Variants in CNTN5 observed in about 807,000 individuals in gnomAD.
CNTN5 encodes contactin 5, also known as contactin-5.
CNTN5 carries 77 observed loss-of-function variants against 129.1 expected under a neutral mutation model. The observed-to-expected ratio is 0.60, with a 90% CI of 0.50 to 0.72. The LOEUF (loss-of-function observed/expected upper bound fraction) is 0.72, where lower values mean the gene tolerates loss of function less well. Among genes scored for constraint, CNTN5 ranks in the 30% least tolerant of loss-of-function variants. CNTN5 has a pLI of 0.00. For missense variants in CNTN5, 1,478 were observed against 1,328.8 expected (o/e 1.11, Z -1.75); for synonymous variants, 509 against 465.6 (o/e 1.09, Z -1.20).
At chr11:100,169,122 A>T (rs1947746370) in intron 13 of CNTN5, among the ~76,000 whole-genome samples, 1 of 151,964 alleles carries the variant, frequency 6.6e-6, no homozygotes, top group African/African-American at 2.4e-5. Context: ...TTGAGATGGA[A>T]TCTATTCCTG....
intron 3 of CNTN5, among the ~76,000 whole-genome samples, chr11:99,781,767 A>C (rs1393231818): frequency 6.6e-6 from 1 of 152,116 alleles, no homozygotes; most frequent in East Asian, 1.9e-4. Flanking sequence ...CCTTTGACAA[A>C]ATTCAACAAC....
At chr11:100,309,604 T>G in intron 21 of CNTN5, 1 of 984,132 alleles carries the variant, frequency 1.0e-6, no homozygotes, top group Non-Finnish European at 1.2e-6. Flanking sequence ...TCCCAATCCA[T>G]GCTTCAGGGA....
chr11:99,106,201 T>G (rs1025846173), intron 1 of CNTN5, among the ~76,000 whole-genome samples: 13 of 152,044 alleles, frequency 8.6e-5, no homozygotes, highest in Non-Finnish European at 1.3e-4. Flanking sequence ...ATGTCACACT[T>G]AAAATTGATC....
At chr11:99,095,944 T>G (rs1416897860) in intron 1 of CNTN5, among the ~76,000 whole-genome samples, 1 of 151,930 alleles carries the variant, frequency 6.6e-6, no homozygotes, top group Non-Finnish European at 1.5e-5. Context: ...ATCTATTCTG[T>G]TTAAGTGCAT....
chr11:99,548,973 A>T (rs1948390227), intron 2 of CNTN5, among the ~76,000 whole-genome samples: 3 of 152,162 alleles, frequency 2.0e-5, no homozygotes, highest in Admixed American at 1.3e-4. Flanking sequence ...GATTAGACAT[A>T]TTAAGACCTT....
intron 21 of CNTN5, among the ~76,000 whole-genome samples, chr11:100,333,498 C>T (rs190187508): frequency 7.0e-6 from 1 of 142,832 alleles, no homozygotes; most frequent in Admixed American, 7.1e-5. Flanking sequence ...GCAACAAGAA[C>T]AAATCTGGAG....
chr11:99,291,052 T>G (rs1864152436), intron 1 of CNTN5, among the ~76,000 whole-genome samples: 2 of 152,036 alleles, frequency 1.3e-5, no homozygotes, highest in East Asian at 3.9e-4. Flanking sequence ...TAAAACTAAT[T>G]CATGACTAAG....
chr11:99,730,264 G>A (rs1159109479), intron 3 of CNTN5, among the ~76,000 whole-genome samples: 1 of 152,140 alleles, frequency 6.6e-6, no homozygotes, highest in Non-Finnish European at 1.5e-5. Flanking sequence ...AGCAGAGCAG[G>A]GCTGGATTCT....
intron 6 of CNTN5, among the ~76,000 whole-genome samples, chr11:99,867,021 G>T (rs1341587862): frequency 6.6e-6 from 1 of 152,188 alleles, no homozygotes; most frequent in Admixed American, 6.5e-5. Context: ...TGTTCACATA[G>T]ACTATATTGA....
intron 3 of CNTN5, among the ~76,000 whole-genome samples, chr11:99,812,313 A>G (rs934403361): frequency 6.6e-6 from 1 of 152,090 alleles, no homozygotes; most frequent in Non-Finnish European, 1.5e-5. Flanking sequence ...TCACTTTTTC[A>G]GTTCCTCAGG....
At chr11:99,998,044 TATC>T in intron 8 of CNTN5, among the ~76,000 whole-genome samples, 1 of 152,144 alleles carries the variant, frequency 6.6e-6, no homozygotes, top group Non-Finnish European at 1.5e-5. Flanking sequence ...CCACAGCCAA[TATC>T]ATACTGAATG....
intron 9 of CNTN5, among the ~76,000 whole-genome samples, chr11:100,021,790 G>A (rs750287101): frequency 7.2e-5 from 11 of 152,184 alleles, no homozygotes; most frequent in Non-Finnish European, 1.5e-4. Flanking sequence ...AGCAGCAAAT[G>A]TAGGGAAGCT....
At chr11:99,483,611 A>G (rs1373981271) in intron 2 of CNTN5, among the ~76,000 whole-genome samples, 2 of 152,120 alleles carry the variant, frequency 1.3e-5, no homozygotes, top group African/African-American at 4.8e-5. Flanking sequence ...TTATTATTTT[A>G]GTGAGACAGC....
At chr11:99,085,250 G>C (rs1865960481) in intron 1 of CNTN5, among the ~76,000 whole-genome samples, 1 of 142,052 alleles carries the variant, frequency 7.0e-6, no homozygotes, top group Admixed American at 7.4e-5. Context: ...TTACCATGTT[G>C]GCCCAGGGTG....
At chr11:99,375,211 G>A (rs572972599) in intron 2 of CNTN5, among the ~76,000 whole-genome samples, 5 of 143,364 alleles carry the variant, frequency 3.5e-5, no homozygotes, top group Admixed American at 2.2e-4. Flanking sequence ...GCTGAGGCAC[G>A]AGAATTGCTT....
chr11:99,409,136 T>G (rs572413070), intron 2 of CNTN5, among the ~76,000 whole-genome samples: 3 of 152,308 alleles, frequency 2.0e-5, no homozygotes, highest in African/African-American at 7.2e-5. Flanking sequence ...TTTAATTACT[T>G]TAGTTCAAAA....
intron 1 of CNTN5, among the ~76,000 whole-genome samples, chr11:99,038,646 T>G (rs2135127103): frequency 6.6e-6 from 1 of 152,252 alleles, no homozygotes; most frequent in African/African-American, 2.4e-5. Context: ...CCAACGCTTC[T>G]TTTAGCTCTG....
At chr11:99,535,928 G>T (rs1247027204) in intron 2 of CNTN5, among the ~76,000 whole-genome samples, 4 of 152,000 alleles carry the variant, frequency 2.6e-5, no homozygotes, top group Non-Finnish European at 5.9e-5. Context: ...AAAAAATCAT[G>T]TTAATTCTGA....
chr11:99,583,806 A>C (rs1245722339), intron 3 of CNTN5, among the ~76,000 whole-genome samples: 1 of 152,044 alleles, frequency 6.6e-6, no homozygotes, highest in African/African-American at 2.4e-5. Context: ...GCTTTGGCTC[A>C]TGCATGGTGT....
Sources: allele counts gnomAD v4.1 joint callset (sites outside exome capture counted in the v4.1 genomes callset), GRCh38; gene constraint gnomAD v4.1.1; transcripts MANE v1.5; gene names NCBI Gene and HGNC (gene_info 2026-07-23, HGNC 2026-07-21).